HACD4: variants seen among roughly 807,000 people sequenced by gnomAD.
HACD4 encodes 3-hydroxyacyl-CoA dehydratase 4.
In HACD4, 35 loss-of-function variants were observed where a neutral mutation model predicts 33.3. The ratio of observed to expected loss-of-function variants is 1.05; its 90% CI spans 0.80 to 1.39. The LOEUF is 1.39. Among genes scored for constraint, HACD4 ranks in the 40% most tolerant of loss-of-function variants. HACD4 has a pLI of 0.00. For missense variants in HACD4, 323 were observed against 276.5 expected, an observed-to-expected ratio of 1.17 and a Z score of -1.19; for synonymous variants, 118 against 98.0, an observed-to-expected ratio of 1.20 and a Z score of -1.21.
intron 2 of HACD4, 88 bp from the exon 3 acceptor site, chr9:21,026,811 GATT>G: frequency 9.9e-7 from 1 of 1,013,696 alleles, no homozygotes; most frequent in Non-Finnish European, 1.5e-6. Context: ...GTCAAATGGA[GATT>G]ATTCACTTCC....
Position 21,031,599 on chromosome 9 carries a change from G to A in HACD4, c.-9C>T, listed in dbSNP as rs779948037. 141 of 1,424,180 alleles carry A rather than the reference G, an allele frequency of 9.9e-5. No individual in the cohort carries two copies. The highest frequency in any genetic ancestry group is 1.2e-4 in the Non-Finnish European group (128 of 1,095,074). 88.2% of individuals were successfully genotyped at this position (1,424,180 alleles called of 1,614,324 possible). ...AGCGCCAAGGGCCCCATGGGCCGCCGCCGCCAGGGCTTCCAGCGCGGTCCA... is the reference window on the plus strand; with the variant it reads ...AGCGCCAAGGGCCCCATGGGCCGCCACCGCCAGGGCTTCCAGCGCGGTCCA... On this transcript the variant is annotated 5_prime_UTR_variant, in exon 1 of 7. Coordinates refer to ENST00000495827, the MANE Select transcript of HACD4 (RefSeq NM_001010915.5).
At chr9:21,021,484 C>T (rs1055534396) in intron 3 of HACD4, among the ~76,000 whole-genome samples, 41 of 152,126 alleles carry the variant, frequency 2.7e-4, no homozygotes, top group Admixed American at 7.9e-4. Flanking sequence ...AAAACCCCAT[C>T]GTCTCAGCCC....
intron 3 of HACD4, among the ~76,000 whole-genome samples, chr9:21,019,379 T>A (rs10738574): frequency 0.38 from 57,011 of 151,948 alleles, 10,896 homozygotes; most frequent in Non-Finnish European, 0.42. Context: ...AGATAATAAT[T>A]AGCATCTATT....
intron 2 of HACD4, among the ~76,000 whole-genome samples, chr9:21,027,308 T>C (rs1022814088): frequency 4.6e-5 from 7 of 152,196 alleles, no homozygotes; most frequent in African/African-American, 1.4e-4. Flanking sequence ...GGGTTTGCAT[T>C]GCAGAGGGTT....
chr9:21,019,185 G>A (rs886885879), intron 3 of HACD4, among the ~76,000 whole-genome samples: 1 of 151,920 alleles, frequency 6.6e-6, no homozygotes, highest in Admixed American at 6.6e-5. Flanking sequence ...GGTCCCAAGG[G>A]ATATAGCTGT....
At chr9:21,020,369 GACACA>G (rs1817876881) in intron 3 of HACD4, among the ~76,000 whole-genome samples, 1 of 152,094 alleles carries the variant, frequency 6.6e-6, no homozygotes, top group Non-Finnish European at 1.5e-5. Flanking sequence ...CTAATGTTAT[GACACA>G]AAGGTTAGTG....
intron 5 of HACD4, 151 bp from the exon 6 acceptor site, chr9:21,008,297 T>C (rs1280032722): frequency 3.1e-6 from 2 of 651,194 alleles, no homozygotes; most frequent in East Asian, 3.2e-5. Context: ...TAGTTTAATA[T>C]AGAAATCTGT....
chr9:21,009,525 T>C (rs1420151942), intron 5 of HACD4, among the ~76,000 whole-genome samples: 2 of 152,212 alleles, frequency 1.3e-5, no homozygotes, highest in African/African-American at 2.4e-5. Flanking sequence ...TATTCCTTTA[T>C]ATATTCTTTT....
intron 3 of HACD4, chr9:21,017,839 G>C (rs1364238832): frequency 6.6e-6 from 1 of 152,136 alleles, no homozygotes; most frequent in Non-Finnish European, 1.5e-5. Flanking sequence ...GAAGTCTCCT[G>C]GTTTCCAGAG....
At chr9:21,031,385 T>C in intron 1 of HACD4, 168 bp downstream of exon 1, 1 of 873,832 alleles carries the variant, frequency 1.1e-6, no homozygotes, top group Non-Finnish European at 1.4e-6. Flanking sequence ...TCAAGAGGGG[T>C]AAGTTAGCAA....
At chr9:21,008,887 C>G (rs972645903) in intron 5 of HACD4, among the ~76,000 whole-genome samples, 2 of 151,708 alleles carry the variant, frequency 1.3e-5, no homozygotes, top group African/African-American at 4.8e-5. Context: ...TCTTATGGGT[C>G]AAAATTATCC....
intron 6 of HACD4, among the ~76,000 whole-genome samples, 173 bp from the exon 7 acceptor site, chr9:21,007,292 G>A (rs1333801861): frequency 6.6e-6 from 1 of 152,124 alleles, no homozygotes; most frequent in Non-Finnish European, 1.5e-5. Context: ...AGAAAGAGAG[G>A]TAAATCAAAC....
At chr9:21,011,975 G>T (rs1842449138) in intron 4 of HACD4, among the ~76,000 whole-genome samples, 1 of 152,138 alleles carries the variant, frequency 6.6e-6, no homozygotes, top group South Asian at 2.1e-4. Flanking sequence ...TCCTTGATTA[G>T]TGACTTCAAT....
chr9:21,019,299 A>G (rs775343299), intron 3 of HACD4, among the ~76,000 whole-genome samples: 1 of 152,114 alleles, frequency 6.6e-6, no homozygotes, highest in African/African-American at 2.4e-5. Context: ...AAGAGCTTAA[A>G]TGTCTGCTAC....
At chr9:21,028,356 A>G (rs1211248875) in intron 2 of HACD4, among the ~76,000 whole-genome samples, 1 of 152,158 alleles carries the variant, frequency 6.6e-6, no homozygotes, top group East Asian at 1.9e-4. Flanking sequence ...AAGTTTTCCC[A>G]TCACCTGTGT....
intron 1 of HACD4, among the ~76,000 whole-genome samples, chr9:21,030,107 A>G (rs1397746166): frequency 6.6e-6 from 1 of 152,126 alleles, no homozygotes; most frequent in African/African-American, 2.4e-5. Flanking sequence ...ACCAAGGAAT[A>G]AAAGAAACCA....
Position 21,006,886 on chromosome 9 carries a change from T to C in HACD4, c.*151A>G, listed in dbSNP as rs1035560922. 7.6e-6 allele frequency: 5 copies of C among 656,196 alleles called. No individual in the cohort carries two copies. Among genetic ancestry groups the C allele is most frequent in the African/African-American group, 5.5e-5 (3 of 54,730 alleles). The allele number at this position is 656,196 out of a possible 1,614,324, so 40.6% of individuals were successfully genotyped here. On this transcript the variant is annotated 3_prime_UTR_variant, in exon 7 of 7. Coordinates refer to ENST00000495827, the MANE Select transcript of HACD4 (RefSeq NM_001010915.5). The surrounding 1 kb of genome is among the most constrained non-coding windows in gnomAD (Gnocchi z 4.6). ...AATGTGTGAAAAACATAGCCTGTTA[T>C]GTCTAGAGTTTTGGGGGTATGTGCA...
At chr9:21,018,566 C>G (rs2132785348) in intron 3 of HACD4, among the ~76,000 whole-genome samples, 1 of 152,272 alleles carries the variant, frequency 6.6e-6, no homozygotes, top group South Asian at 2.1e-4. Context: ...TAATATTTAT[C>G]AGTCTTCTCT....
At chr9:21,027,492 T>C (rs115393854) in intron 2 of HACD4, among the ~76,000 whole-genome samples, 59 of 152,330 alleles carry the variant, frequency 3.9e-4, no homozygotes, top group African/African-American at 1.3e-3. Context: ...AATAATTTAC[T>C]GAGCAGTAAG....
Sources: allele counts gnomAD v4.1 joint callset (sites outside exome capture counted in the v4.1 genomes callset), GRCh38; gene constraint gnomAD v4.1.1; non-coding constraint Gnocchi (gnomAD v3.1); transcripts MANE v1.5; gene names NCBI Gene and HGNC (gene_info 2026-07-23, HGNC 2026-07-21).